The following MSH6 variants were observed in gnomAD, a reference collection of about 807,000 sequenced individuals.
MSH6 encodes DNA mismatch repair protein Msh6.
In MSH6, 85 loss-of-function variants were observed where a neutral mutation model predicts 119.1. The ratio of observed to expected loss-of-function variants is 0.71; its 90% CI spans 0.60 to 0.85. MSH6 has a LOEUF of 0.85. MSH6 is among the 40% of genes least tolerant of loss of function. The pLI is 0.00. For synonymous variants in MSH6, 830 were observed against 586.9 expected (o/e 1.41, Z -5.99); for missense variants, 2,163 against 1,655.3 (o/e 1.31, Z -5.32).
At chr2:47,791,725 C>T (rs1668741098) in intron 2 of MSH6, among the ~76,000 whole-genome samples, 2 of 146,674 alleles carry the variant, frequency 1.4e-5, no homozygotes, top group South Asian at 2.2e-4. Flanking sequence ...GTTGCCTAGG[C>T]TGGAGTGCAG....
rs576269342 is a variant in MSH6 at position 47,801,134 on chromosome 2, G to A, written c.3151G>A (p.Val1051Ile). Residue 1051 changes from valine (V) to isoleucine (I), a missense_variant, in exon 4 of 10, where the codon GTA (valine) becomes ATA (isoleucine). Physicochemically the swap from Val to Ile is conservative, Grantham distance 29. Coordinates refer to ENST00000234420, the MANE Select transcript of MSH6 (RefSeq NM_000179.3). Reference sequence around the variant, plus strand: ...AAATTACAAGGACTGGCAGTCTGCTGTAGAGTGTATCGCAGTGTTGGGTAA... The same window carrying A: ...AAATTACAAGGACTGGCAGTCTGCTATAGAGTGTATCGCAGTGTTGGGTAA... ...DKNYKDWQSA[V>I]ECIAVLDVLL... The A allele has an allele frequency of 3.5e-4, 557 of 1,611,768 alleles. 3 individuals are homozygous for A. In the South Asian group the frequency reaches 5.8e-3, roughly 17 times the overall value.
At position 47,806,503 on chromosome 2, in the gene MSH6, T is replaced by C. The variant is rs1369714474; in HGVS notation, c.3853T>C (p.Phe1285Leu). The C allele has an allele frequency of 1.2e-6, 2 of 1,613,954 alleles. No homozygotes were observed. The highest frequency in any genetic ancestry group is 1.7e-6 in the Non-Finnish European group (2 of 1,179,996). The change falls in exon 9 of 10, where the codon TTC (phenylalanine) becomes CTC (leucine). Residue 1285 changes from phenylalanine (F) to leucine (L), a missense_variant. Physicochemically the swap from Phe to Leu is conservative, Grantham distance 22. Transcript: ENST00000234420. ...CEDPSQETIT[F>L]LYKFIKGACP... Reference sequence around the variant, plus strand: ...AGACCCCAGCCAGGAGACTATTACGTTCCTCTATAAATTCATTAAGGGAGC... The same window carrying C: ...AGACCCCAGCCAGGAGACTATTACGCTCCTCTATAAATTCATTAAGGGAGC...
intron 7 of MSH6, 73 bp from the exon 8 acceptor site, chr2:47,806,131 G>A (rs1418238605): frequency 1.1e-5 from 16 of 1,444,130 alleles, no homozygotes; most frequent in South Asian, 6.9e-5. Flanking sequence ...TTCTGTCCTA[G>A]CATTTTTGTT....
intron 2 of MSH6, among the ~76,000 whole-genome samples, chr2:47,793,351 TGGGCAC>T: frequency 1.9e-5 from 2 of 105,464 alleles, no homozygotes; most frequent in African/African-American, 3.5e-5. Flanking sequence ...AAAAAAAGGC[TGGGCAC>T]GGTGGCTCGC....
rs587779930 is a variant in MSH6, at chr2:47,801,083, C to G, written c.3100C>G (p.Arg1034Gly). ...GGATGTATCATTGAAGGACTGCATG[C>G]GGCGACTGTTCTATAACTTTGATAA... ...RRDVSLKDCM[R>G]RLFYNFDKNY... The change falls in exon 4 of 10, where the codon CGG becomes GGG. Residue 1034 changes from arginine (R) to glycine (G), a missense_variant. Arg to Gly is a moderately radical substitution (Grantham distance 125, BLOSUM62 -2). Coordinates refer to ENST00000234420, the MANE Select transcript of MSH6 (RefSeq NM_000179.3). 2 of 1,610,340 alleles carry G rather than the reference C, an allele frequency of 1.2e-6. No homozygotes were observed. The highest frequency in any genetic ancestry group is 1.7e-6 in the Non-Finnish European group (2 of 1,178,584).
chr2:47,806,270 C>G lies in MSH6; in HGVS notation c.3713C>G (p.Thr1238Ser), dbSNP rs755349360. 16 of 1,613,852 alleles carry G rather than the reference C, an allele frequency of 9.9e-6. No homozygotes were observed. Among genetic ancestry groups the G allele is most frequent in the Non-Finnish European group, 1.0e-5 (12 of 1,179,900 alleles). ...ANAVVKELAE[T>S]IKCRTLFSTH... ...GCAGTTGTTAAAGAACTTGCTGAGA[C>G]TATAAAATGTCGTACATTATTTTCA... Residue 1238 changes from threonine (T) to serine (S), a missense_variant, in exon 8 of 10, where the codon ACT (threonine) becomes AGT (serine). Thr to Ser is a moderately conservative substitution (Grantham distance 58). Coordinates refer to ENST00000234420, the MANE Select transcript of MSH6 (RefSeq NM_000179.3).
chr2:47,809,488 T>A (rs952651607), downstream of MSH6: 9 of 818,796 alleles, frequency 1.1e-5, no homozygotes, highest in East Asian at 5.1e-5. Flanking sequence ...AAATCTATCT[T>A]AAACTGTTGC....
At chr2:47,791,204 T>C (rs531064117) in intron 2 of MSH6, 81 bp downstream of exon 2, 61 of 1,335,640 alleles carry the variant, frequency 4.6e-5, no homozygotes, top group South Asian at 4.5e-4. Context: ...GGCAGACTTT[T>C]TTCTATATGA....
intron 4 of MSH6, 85 bp downstream of exon 4, chr2:47,801,240 A>G: frequency 7.1e-7 from 1 of 1,401,878 alleles, no homozygotes. Flanking sequence ...ATAAGTAATA[A>G]GGTATATATG....
rs1572722784 is a variant in MSH6, at chr2:47,799,366, T to C, written c.1383T>C (p.Phe461=). ...FMKGNWAHSG[F]PEIAFGRYSD... is the part of the protein sequence containing the mutation. ...AAGGCAACTGGGCCCATTCTGGCTT[T>C]CCTGAAATTGCATTTGGCCGTTATT... The change falls in exon 4 of 10, where the codon TTT becomes TTC. Residue 461 remains phenylalanine (F), a synonymous_variant. Transcript: ENST00000234420. 1 of 1,614,018 alleles carries C rather than the reference T, an allele frequency of 6.2e-7. No individual in the cohort carries two copies. Among genetic ancestry groups the C allele is most frequent in the African/African-American group, 1.3e-5 (1 of 74,926 alleles).
In MSH6 at chr2:47,799,646, G is replaced by A. The variant is rs2104359268; in HGVS notation, c.1663G>A (p.Ala555Thr). ...GGAAGATTCTTCTGGCCATACTCGT[G>A]CATATGGTGTGTGCTTTGTTGATAC... ...KEEDSSGHTR[A>T]YGVCFVDTSL... is the part of the protein sequence containing the mutation. Residue 555 changes from alanine (A) to threonine (T), a missense_variant, in exon 4 of 10, where the codon GCA (alanine) becomes ACA (threonine). Ala to Thr is a moderately conservative substitution (Grantham distance 58). Transcript: ENST00000234420. 6.2e-7 allele frequency: 1 copy of A among 1,614,132 alleles called. No individual in the cohort carries two copies.
chr2:47,799,883 T>C lies in MSH6; in HGVS notation c.1900T>C (p.Leu634=), dbSNP rs876658471. ...GSQFWDASKT[L]RTLLEEEYFR... ...CCAGTTTTGGGATGCATCCAAAACT[T>C]TGAGAACTCTCCTTGAGGAAGAATA... The change falls in exon 4 of 10, where the codon TTG becomes CTG. Residue 634 remains leucine (L), a synonymous_variant. Transcript: ENST00000234420. 10 of 1,614,158 alleles carry C rather than the reference T, an allele frequency of 6.2e-6. No individual in the cohort carries two copies. Among genetic ancestry groups the C allele is most frequent in the Non-Finnish European group, 8.5e-6 (10 of 1,180,022 alleles).
chr2:47,803,505 C>G lies in MSH6; in HGVS notation c.3258C>G (p.Pro1086=), dbSNP rs863224331. The change falls in exon 5 of 10, where the codon CCC becomes CCG. Residue 1086 remains proline, a synonymous_variant. Transcript: ENST00000234420. The part of the protein sequence containing the change: ...RPVILLPEDT[P]PFLELKGSRH... ...TAATTCTGTTGCCGGAAGATACCCC[C>G]CCCTTCTTAGAGCTTAAAGGATCAC... 2.5e-6 allele frequency: 4 copies of G among 1,614,130 alleles called. No individual in the cohort carries two copies. Among genetic ancestry groups the G allele is most frequent in the Non-Finnish European group, 1.7e-6 (2 of 1,180,036 alleles).
downstream of MSH6, chr2:47,807,852 T>C: frequency 3.1e-6 from 1 of 321,726 alleles, no homozygotes. Context: ...AGTTGGTATC[T>C]GTACAAAATT....
chr2:47,786,640 C>T (rs1339404167), intron 1 of MSH6, among the ~76,000 whole-genome samples: 1 of 152,124 alleles, frequency 6.6e-6, no homozygotes, highest in East Asian at 1.9e-4. Flanking sequence ...GGCCGTGAGC[C>T]ACCGTGTCTG....
intron 1 of MSH6, among the ~76,000 whole-genome samples, chr2:47,786,688 C>G (rs894144684): frequency 6.6e-6 from 1 of 152,044 alleles, no homozygotes; most frequent in Non-Finnish European, 1.5e-5. Flanking sequence ...TAGATTTCTT[C>G]TTGTGCTGAA....
intron 1 of MSH6, among the ~76,000 whole-genome samples, chr2:47,787,430 A>T (rs1379237512): frequency 6.6e-6 from 1 of 152,256 alleles, no homozygotes; most frequent in Non-Finnish European, 1.5e-5. Context: ...TGTTTAGCGT[A>T]TGTTTAGACA....
At position 47,806,668 on chromosome 2, in the gene MSH6, A is replaced by G. The variant is rs2104569696; in HGVS notation, c.4001+17A>G. 6.2e-7 allele frequency: 1 copy of G among 1,601,058 alleles called. No homozygotes were observed. The highest frequency in any genetic ancestry group is 8.5e-7 in the Non-Finnish European group (1 of 1,173,440). ...ATTATTTCGGTAACTAACTAACTAT[A>G]ATGGAATTATAACTAACTGACCTTA... On this transcript the variant is annotated intron_variant, in intron 9 of 9. Coordinates refer to ENST00000234420, the MANE Select transcript of MSH6 (RefSeq NM_000179.3).
At chr2:47,797,301 A>G (rs1244984175) in intron 3 of MSH6, among the ~76,000 whole-genome samples, 1 of 152,212 alleles carries the variant, frequency 6.6e-6, no homozygotes, top group African/African-American at 2.4e-5. Context: ...TCCTTTTTCA[A>G]TAGATAAGAT....
Sources: allele counts gnomAD v4.1 joint callset (sites outside exome capture counted in the v4.1 genomes callset), GRCh38; gene constraint gnomAD v4.1.1; transcripts MANE v1.5; gene names NCBI Gene and HGNC (gene_info 2026-07-23, HGNC 2026-07-21).